Variants in CRISPLD2 observed in about 807,000 individuals in gnomAD.
CRISPLD2 encodes the protein cysteine rich secretory protein LCCL domain containing 2.
CRISPLD2 carries 47 observed loss-of-function variants against 71.1 expected under a neutral mutation model. The observed-to-expected ratio is 0.66, with a 90% CI of 0.52 to 0.84. The LOEUF (loss-of-function observed/expected upper bound fraction) is 0.84, where lower values mean the gene tolerates loss of function less well. CRISPLD2 is among the 40% of genes least tolerant of loss of function. The probability of loss-of-function intolerance (pLI) is 0.00; values close to 1 mark genes in which losing one functional copy is unlikely to be tolerated. For synonymous variants in CRISPLD2, 317 were observed against 250.1 expected (o/e 1.27, Z -2.52); for missense variants, 830 against 651.1 (o/e 1.27, Z -2.99).
intron 14 of CRISPLD2, among the ~76,000 whole-genome samples, chr16:84,892,924 C>T (rs944932619): frequency 4.8e-5 from 7 of 146,880 alleles, no homozygotes; most frequent in African/African-American, 1.8e-4. Flanking sequence ...TGCACTGAGC[C>T]GAGATTCCAC....
rs779222420 is a variant in CRISPLD2, at chr16:84,845,811, C to G, written c.266C>G (p.Ser89Cys). 2 of 1,613,852 alleles carry G rather than the reference C, an allele frequency of 1.2e-6. No homozygotes were observed. The highest frequency in any genetic ancestry group is 1.7e-6 in the Non-Finnish European group (2 of 1,179,776). Residue 89 changes from serine (S) to cysteine (C), a missense_variant, in exon 3 of 15, where the codon TCT becomes TGT. Ser to Cys is a moderately radical substitution (Grantham distance 112). Transcript: ENST00000262424. ...ACCTGGGATGACGAACTGGAGAAGT[C>G]TGCTGCAGCGTGGGCCAGTCAGTGC... ...YMTWDDELEK[S>C]AAAWASQCIW... is the part of the protein sequence containing the mutation.
rs764854851 is a variant in CRISPLD2, at chr16:84,906,706, A to T, written c.*64A>T. 6 of 1,568,982 alleles carry T rather than the reference A, an allele frequency of 3.8e-6. No homozygotes were observed. Among genetic ancestry groups the T allele is most frequent in the South Asian group, 3.3e-5 (3 of 90,136 alleles). On this transcript the variant is annotated 3_prime_UTR_variant, in exon 15 of 15. Coordinates refer to ENST00000262424, the MANE Select transcript of CRISPLD2 (RefSeq NM_031476.4). ...GCTTCGGGGTTTTGCTTTTATTTTT[A>T]TTTTGTCATTGCGGGGTATATGGAG...
chr16:84,874,760 A>G (rs2071503494), intron 11 of CRISPLD2, among the ~76,000 whole-genome samples: 1 of 152,214 alleles, frequency 6.6e-6, no homozygotes, highest in African/African-American at 2.4e-5. Context: ...CACGGAGTGG[A>G]ACATTTTTTT....
At chr16:84,865,326 T>C (rs1240342041) in intron 6 of CRISPLD2, among the ~76,000 whole-genome samples, 1 of 152,150 alleles carries the variant, frequency 6.6e-6, no homozygotes. Context: ...CAGCTAATTT[T>C]TGTATTTTTA....
chr16:84,896,441 A>C (rs1405217389), intron 14 of CRISPLD2, among the ~76,000 whole-genome samples: 4 of 152,168 alleles, frequency 2.6e-5, no homozygotes, highest in Non-Finnish European at 5.9e-5. Context: ...TAGACACTTA[A>C]GATCGTTCAA....
At chr16:84,836,178 T>C (rs1323450655) in intron 1 of CRISPLD2, 1 of 152,200 alleles carries the variant, frequency 6.6e-6, no homozygotes, top group African/African-American at 2.4e-5. Context: ...TGTGTTTAGA[T>C]TGGGTCTTAT....
intron 13 of CRISPLD2, among the ~76,000 whole-genome samples, chr16:84,881,333 T>C (rs1160038197): frequency 6.6e-6 from 1 of 152,246 alleles, no homozygotes; most frequent in Non-Finnish European, 1.5e-5. Context: ...ATAGCCACTC[T>C]GGTTATACCA....
In CRISPLD2 at chr16:84,873,814, G is replaced by A. The variant is rs561292045; in HGVS notation, c.1113-106G>A. On this transcript the variant is annotated intron_variant, in intron 10 of 14. Transcript: ENST00000262424. ...TAGGAAACAAGTAGAAAAGTGTGAA[G>A]TCGAGACTGCAAATAAGATAAGTAT... 4.1e-4 allele frequency: 429 copies of A among 1,045,124 alleles called. 1 individual carries two copies. The highest frequency in any genetic ancestry group is 1.9e-3 in the Middle Eastern group (8 of 4,222). 64.7% of individuals were successfully genotyped at this position (1,045,124 alleles called of 1,614,324 possible).
chr16:84,854,623 C>G (rs956130601), intron 5 of CRISPLD2, 106 bp from the exon 6 acceptor site: 2 of 789,368 alleles, frequency 2.5e-6, no homozygotes, highest in Non-Finnish European at 4.5e-6. Context: ...CCCCCCTGAC[C>G]TGTCAGTGGC....
chr16:84,870,276 CT>C (rs927544764), intron 8 of CRISPLD2, among the ~76,000 whole-genome samples: 24 of 58,606 alleles, frequency 4.1e-4, no homozygotes, highest in South Asian at 1.3e-3. Context: ...TCCTTCCAGT[CT>C]TTTTTTCTGT....
chr16:84,885,575 T>G (rs1216033084), intron 13 of CRISPLD2, among the ~76,000 whole-genome samples: 1 of 152,226 alleles, frequency 6.6e-6, no homozygotes, highest in Non-Finnish European at 1.5e-5. Flanking sequence ...GACCCCGCTT[T>G]GGGCTAAGGA....
intron 13 of CRISPLD2, among the ~76,000 whole-genome samples, chr16:84,884,371 A>C (rs1211691154): frequency 6.6e-6 from 1 of 152,188 alleles, no homozygotes; most frequent in East Asian, 1.9e-4. Flanking sequence ...GTGTCAATGC[A>C]CGTGAAATGC....
chr16:84,876,946 C>A (rs866207687), intron 11 of CRISPLD2, among the ~76,000 whole-genome samples: 2 of 152,196 alleles, frequency 1.3e-5, no homozygotes, highest in Non-Finnish European at 2.9e-5. Flanking sequence ...CCTCGCCCCT[C>A]AGCAGGGATG....
chr16:84,851,414 C>T (rs1173615802), intron 5 of CRISPLD2, among the ~76,000 whole-genome samples: 1 of 152,250 alleles, frequency 6.6e-6, no homozygotes, highest in Non-Finnish European at 1.5e-5. Context: ...ATGCTGGCCG[C>T]TGGCCACCGC....
intron 6 of CRISPLD2, among the ~76,000 whole-genome samples, chr16:84,858,704 GA>G (rs1917305680): frequency 6.6e-6 from 1 of 152,204 alleles, no homozygotes; most frequent in African/African-American, 2.4e-5. Context: ...CTGGAGAATT[GA>G]TATACCCCTG....
intron 6 of CRISPLD2, among the ~76,000 whole-genome samples, chr16:84,866,525 C>T (rs1332238090): frequency 2.0e-5 from 3 of 152,136 alleles, no homozygotes; most frequent in South Asian, 2.1e-4. Context: ...CATGAGCCAC[C>T]GCACCCGGCC....
At chr16:84,875,414 C>CTTTTTTTTTTTTT (rs34028519) in intron 11 of CRISPLD2, among the ~76,000 whole-genome samples, 10 of 87,784 alleles carry the variant, frequency 1.1e-4, no homozygotes, top group African/African-American at 5.6e-4. Context: ...TATGCATGGA[C>CTTTTTTTTTTTTT]TTTTTTTTTT....
chr16:84,852,279 G>A (rs912845781), intron 5 of CRISPLD2, among the ~76,000 whole-genome samples: 2 of 152,182 alleles, frequency 1.3e-5, no homozygotes, highest in African/African-American at 2.4e-5. Flanking sequence ...GAAAGTCCAC[G>A]GCAATAGCCC....
chr16:84,863,597 C>A (rs150902375), intron 6 of CRISPLD2, among the ~76,000 whole-genome samples: 100 of 152,354 alleles, frequency 6.6e-4, no homozygotes, highest in African/African-American at 2.3e-3. Flanking sequence ...AGGGCCCTTA[C>A]CCTCTCTGAG....
Sources: allele counts gnomAD v4.1 joint callset (sites outside exome capture counted in the v4.1 genomes callset), GRCh38; gene constraint gnomAD v4.1.1; transcripts MANE v1.5; gene names NCBI Gene and HGNC (gene_info 2026-07-23, HGNC 2026-07-21).